SKP1: variants seen among roughly 807,000 people sequenced by gnomAD.
SKP1 encodes the protein S-phase kinase-associated protein 1.
SKP1 carries 1 observed loss-of-function variant against 21.5 expected under a neutral mutation model. The ratio of observed to expected loss-of-function variants is 0.05; its 90% confidence interval spans 0.02 to 0.22. The LOEUF (loss-of-function observed/expected upper bound fraction) is 0.22, where lower values mean the gene tolerates loss of function less well. Among genes scored for constraint, SKP1 ranks in the 10% least tolerant of loss-of-function variants. The pLI, the probability that SKP1 is intolerant of heterozygous loss-of-function variation, is 1.00. For missense variants in SKP1, 70 were observed against 192.0 expected (o/e 0.36, Z 3.76); for synonymous variants, 59 against 59.3 (o/e 0.99, Z 0.03).
Position 134,158,447 on chromosome 5 carries a change from C to G in SKP1, c.456+8G>C. The G allele has an allele frequency of 6.2e-7, 1 of 1,613,994 alleles. No homozygotes were observed. The highest frequency in any genetic ancestry group is 8.5e-7 in the Non-Finnish European group (1 of 1,179,956). On this transcript the variant is annotated splice_region_variant and intron_variant, in intron 5 of 5. Transcript: ENST00000353411. ...ATGTGATCAAAGACAAAACTGTGTG[C>G]TACCTACCTGGGCTTCCTCCTCTTC... is the stretch of plus-strand genomic sequence containing the variant.
chr5:134,153,963 G>A lies in SKP1; in HGVS notation c.*3770C>T, dbSNP rs1761080069. 6.6e-6 allele frequency: 1 copy of A among 152,162 alleles called. No homozygotes were observed. The highest frequency in any genetic ancestry group is 2.4e-5 in the African/African-American group (1 of 41,432). 9.4% of individuals were successfully genotyped at this position (152,162 alleles called of 1,614,324 possible). A position where few individuals can be genotyped will look rare whatever the true frequency, so the allele number is the denominator to read the frequency against. ...CAATATAGTTCTTGCTTAATTCCAG[G>A]AGCTGGTGTATTCTGACAGTTGTAG... On this transcript the variant is annotated 3_prime_UTR_variant, in exon 6 of 6. Coordinates refer to ENST00000353411, the MANE Select transcript of SKP1 (RefSeq NM_170679.3).
At chr5:134,160,515 T>G (rs558351250) in intron 4 of SKP1, among the ~76,000 whole-genome samples, 172 of 152,308 alleles carry the variant, frequency 1.1e-3, no homozygotes, top group African/African-American at 3.5e-3. Context: ...TGAGTTCTAT[T>G]GGGTTTTGTT....
At chr5:134,158,423 T>A (rs753058110) in intron 5 of SKP1, 32 bp downstream of exon 5, 34 of 1,613,920 alleles carry the variant, frequency 2.1e-5, no homozygotes, top group Non-Finnish European at 2.7e-5. Context: ...TTTAAGAGCA[T>A]GTGATCAAAG....
In SKP1 at chr5:134,158,046, T is replaced by C. The variant is rs571341453; in HGVS notation, c.457-278A>G. 9.4e-5 allele frequency: 137 copies of C among 1,464,074 alleles called. 2 individuals are homozygous for C. The South Asian group carries it at 1.5e-3, about 16-fold the overall frequency. 90.7% of individuals were successfully genotyped at this position (1,464,074 alleles called of 1,614,324 possible). ...AGTTAATTCATTCACATTATTTCAG[T>C]CTGTAGTCATGTCAACAAAATCATT... is the stretch of plus-strand genomic sequence containing the variant. On this transcript the variant is annotated intron_variant, in intron 5 of 5. Transcript: ENST00000353411.
At position 134,153,914 on chromosome 5, in the gene SKP1, G is replaced by A. The variant is rs957240025; in HGVS notation, c.*3819C>T. The stretch of plus-strand genomic sequence containing the variant: ...TACTATGATGTCATGTTACAAGGCT[G>A]CAGTTACCTGTCCAACCAAGTCACA... On this transcript the variant is annotated 3_prime_UTR_variant, in exon 6 of 6. Transcript: ENST00000353411. 1 of 152,196 alleles carries A rather than the reference G, an allele frequency of 6.6e-6. No homozygotes were observed. The highest frequency in any genetic ancestry group is 2.4e-5 in the African/African-American group (1 of 41,454). 9.4% of individuals were successfully genotyped at this position (152,196 alleles called of 1,614,324 possible).
chr5:134,166,397 A>G (rs1761331619), intron 3 of SKP1, among the ~76,000 whole-genome samples: 1 of 151,764 alleles, frequency 6.6e-6, no homozygotes, highest in South Asian at 2.1e-4. Flanking sequence ...CCTGGCCAAC[A>G]TGGTGAAACC....
At chr5:134,169,396 A>C (rs1165581766) in intron 2 of SKP1, among the ~76,000 whole-genome samples, 1 of 152,248 alleles carries the variant, frequency 6.6e-6, no homozygotes, top group Non-Finnish European at 1.5e-5. Context: ...TATGTAGAAC[A>C]AGTCACTTAT....
chr5:134,155,811 T>C lies in SKP1; in HGVS notation c.*1922A>G, dbSNP rs568169561. On this transcript the variant is annotated 3_prime_UTR_variant, in exon 6 of 6. Coordinates refer to ENST00000353411, the MANE Select transcript of SKP1 (RefSeq NM_170679.3). ...TGCTAAGGATACTTCTGGTTTGTTTTTGAGACAAGGTCTCGCTCTATTGCC... is the reference window on the plus strand; with the variant it reads ...TGCTAAGGATACTTCTGGTTTGTTTCTGAGACAAGGTCTCGCTCTATTGCC... The C allele has an allele frequency of 1.3e-5, 2 of 152,364 alleles. No homozygotes were observed. The highest frequency in any genetic ancestry group is 3.9e-4 in the East Asian group (2 of 5,192). 9.4% of individuals were successfully genotyped at this position (152,364 alleles called of 1,614,324 possible).
intron 2 of SKP1, among the ~76,000 whole-genome samples, chr5:134,171,926 C>A (rs1276903644): frequency 6.6e-6 from 1 of 152,154 alleles, no homozygotes; most frequent in Non-Finnish European, 1.5e-5. Flanking sequence ...TGCCTGTAAT[C>A]CCAGCTACTT....
In SKP1 at chr5:134,167,256, GAAGA is replaced by G. The variant is rs1351220022; in HGVS notation, c.98-17_98-14del. On this transcript the variant is annotated splice_polypyrimidine_tract_variant and intron_variant, in intron 2 of 5. Coordinates refer to ENST00000353411, the MANE Select transcript of SKP1 (RefSeq NM_170679.3). ...TCCATTCCCAAATCTAAGAAAACCA[GAAGA>G]AAGTTTCTATTTCCTAATTCCATTA... 2 of 1,556,836 alleles carry G rather than the reference GAAGA, an allele frequency of 1.3e-6. No homozygotes were observed. Among genetic ancestry groups the G allele is most frequent in the Admixed American group, 1.7e-5 (1 of 59,678 alleles).
chr5:134,174,385 G>A (rs551377704), intron 1 of SKP1: 2 of 480,112 alleles, frequency 4.2e-6, no homozygotes, highest in Non-Finnish European at 5.6e-6. Flanking sequence ...TTAACTACAT[G>A]CGAACCTGAG....
At chr5:134,174,328 G>A (rs1761499184) in intron 1 of SKP1, 4 of 256,270 alleles carry the variant, frequency 1.6e-5, no homozygotes, top group South Asian at 1.1e-4. Context: ...CCTGCCTTTC[G>A]TCTCCCACTG....
intron 1 of SKP1, chr5:134,174,969 T>G (rs900197051): frequency 6.6e-6 from 1 of 152,192 alleles, no homozygotes; most frequent in Non-Finnish European, 1.5e-5. Flanking sequence ...AAAACTCACA[T>G]ACAACTTTTA....
In SKP1 at chr5:134,153,177, G is replaced by A. The variant is rs1761069999; in HGVS notation, c.*4556C>T. 6.6e-6 allele frequency: 1 copy of A among 152,122 alleles called. No individual in the cohort carries two copies. Among genetic ancestry groups the A allele is most frequent in the Middle Eastern group, 3.2e-3 (1 of 316 alleles). The allele number at this position is 152,122 out of a possible 1,614,324, so 9.4% of individuals were successfully genotyped here. On this transcript the variant is annotated 3_prime_UTR_variant, in exon 6 of 6. Transcript: ENST00000353411. ...CTACCAGAATGTACACTGAGCTTTA[G>A]AAAAGGAAAAATTGGTGGGTGCTGT...
chr5:134,167,091 TAG>T (rs768565250), intron 3 of SKP1, 77 bp downstream of exon 3: 31 of 716,134 alleles, frequency 4.3e-5, no homozygotes, highest in Non-Finnish European at 6.5e-5. Flanking sequence ...AATTCTAACA[TAG>T]ATTGTTGAAT....
At chr5:134,173,129 C>G (rs1466177116) in intron 2 of SKP1, among the ~76,000 whole-genome samples, 3 of 151,400 alleles carry the variant, frequency 2.0e-5, no homozygotes, top group African/African-American at 7.3e-5. Flanking sequence ...GGTCGGGAGT[C>G]CGAGACCAGC....
intron 1 of SKP1, chr5:134,176,522 G>A (rs1419804952): frequency 6.6e-6 from 1 of 152,284 alleles, no homozygotes; most frequent in Non-Finnish European, 1.5e-5. Context: ...ACCAAGAGAG[G>A]CCCCCGGCCG....
At chr5:134,167,141 A>C in intron 3 of SKP1, 29 bp downstream of exon 3, 2 of 1,215,760 alleles carry the variant, frequency 1.6e-6, no homozygotes, top group Non-Finnish European at 2.4e-6. Flanking sequence ...TATTAAGCAG[A>C]ATAAACTTAA....
At chr5:134,174,156 A>C in intron 1 of SKP1, 134 bp from the exon 2 acceptor site, 1 of 642,670 alleles carries the variant, frequency 1.6e-6, no homozygotes, top group Non-Finnish European at 2.8e-6. Context: ...TAACCCTGTA[A>C]AGCACTGTTG....
Sources: allele counts gnomAD v4.1 joint callset (sites outside exome capture counted in the v4.1 genomes callset), GRCh38; gene constraint gnomAD v4.1.1; transcripts MANE v1.5; gene names NCBI Gene and HGNC (gene_info 2026-07-23, HGNC 2026-07-21).